The following SMURF2 variants were observed in gnomAD, a reference collection of about 807,000 sequenced individuals.
SMURF2 encodes the protein SMAD specific E3 ubiquitin protein ligase 2.
A neutral mutation model predicts 109.6 loss-of-function variants in SMURF2; 48 were observed. The observed-to-expected ratio is 0.44, with a 90% CI of 0.35 to 0.56. SMURF2 has a LOEUF of 0.56. SMURF2 is among the 20% of genes least tolerant of loss of function. SMURF2 has a pLI of 0.01. For synonymous variants in SMURF2, 288 were observed against 317.1 expected, an observed-to-expected ratio of 0.91 and a Z score of 0.97; for missense variants, 575 against 909.0, an observed-to-expected ratio of 0.63 and a Z score of 4.72.
chr17:64,625,690 G>A (rs1322282843), intron 1 of SMURF2, among the ~76,000 whole-genome samples: 6 of 152,048 alleles, frequency 3.9e-5, no homozygotes, highest in African/African-American at 9.7e-5. Context: ...AAAATACACC[G>A]CTGAGTCCTA....
chr17:64,560,480 T>G (rs1441082337), intron 12 of SMURF2, among the ~76,000 whole-genome samples: 2 of 152,140 alleles, frequency 1.3e-5, no homozygotes, highest in Non-Finnish European at 2.9e-5. Context: ...AATACACACA[T>G]GTAATGCTAA....
At chr17:64,631,536 A>T (rs1555691597) in intron 1 of SMURF2, among the ~76,000 whole-genome samples, 2 of 152,284 alleles carry the variant, frequency 1.3e-5, no homozygotes, top group East Asian at 3.9e-4. Flanking sequence ...CAGAGTCCAG[A>T]GAGGAGAATT....
At position 64,548,057 on chromosome 17, in the gene SMURF2, T is replaced by G. The variant is rs563225354; in HGVS notation, c.1870-256A>C. On this transcript the variant is annotated intron_variant, in intron 16 of 18. Coordinates refer to ENST00000262435, the MANE Select transcript of SMURF2 (RefSeq NM_022739.4). ...CCAGAGATATCTACTCACTGCAAACTCCCTCTCCAGGGTCTGAGAACCACA... is the reference window on the plus strand; with the variant it reads ...CCAGAGATATCTACTCACTGCAAACGCCCTCTCCAGGGTCTGAGAACCACA... 6.6e-5 allele frequency among the ~76,000 whole-genome samples: 10 copies of G among 152,234 alleles called. No individual in the cohort carries two copies. The South Asian group carries it at 2.1e-3, about 32-fold the overall frequency.
chr17:64,628,342 T>C (rs563908673), intron 1 of SMURF2, among the ~76,000 whole-genome samples: 298 of 152,288 alleles, frequency 2.0e-3, no homozygotes, highest in African/African-American at 6.6e-3. Context: ...GACTACTGGG[T>C]CTGCCTCAAC....
Position 64,547,724 on chromosome 17 carries a change from G to A in SMURF2, c.1947C>T (p.Asp649=). The change falls in exon 17 of 19, where the codon GAC becomes GAT. Residue 649 remains aspartate (D), a synonymous_variant. Coordinates refer to ENST00000262435, the MANE Select transcript of SMURF2 (RefSeq NM_022739.4). This position sits in a 1 kb window ranked among gnomAD's most constrained non-coding sequence, Gnocchi z 4.2. ...TCCAGAACCATTTGACAATGTTGCT[G>A]TCTGGTGTACAGTGTTTTAACCGGG... ...VNTRLKHCTP[D]SNIVKWFWKA... 6.2e-7 allele frequency: 1 copy of A among 1,614,216 alleles called. No homozygotes were observed. Among genetic ancestry groups the A allele is most frequent in the Non-Finnish European group, 8.5e-7 (1 of 1,180,028 alleles).
At chr17:64,623,919 T>C (rs1970235287) in intron 1 of SMURF2, among the ~76,000 whole-genome samples, 1 of 152,234 alleles carries the variant, frequency 6.6e-6, no homozygotes, top group Admixed American at 6.5e-5. Flanking sequence ...TAAACGTAAG[T>C]TGTCTTGTCT....
At chr17:64,647,437 C>A (rs1970573661) in intron 1 of SMURF2, among the ~76,000 whole-genome samples, 1 of 152,104 alleles carries the variant, frequency 6.6e-6, no homozygotes, top group Non-Finnish European at 1.5e-5. Context: ...TCCCAGCACT[C>A]TGGGAGGCTG....
rs868962203 is a variant in SMURF2 at position 64,542,513 on chromosome 17, A to G, written c.*3335T>C. 1.3e-5 allele frequency: 2 copies of G among 152,210 alleles called. No homozygotes were observed. The highest frequency in any genetic ancestry group is 2.4e-5 in the African/African-American group (1 of 41,454). The allele number at this position is 152,210 out of a possible 1,614,324, so 9.4% of individuals were successfully genotyped here. A position where few individuals can be genotyped will look rare whatever the true frequency, so the allele number is the denominator to read the frequency against. ...TTTGTTTTTAAAGTCAGTCTGAGAG[A>G]AGAATATTACATAAAGTGAACTAAT... On this transcript the variant is annotated 3_prime_UTR_variant, in exon 19 of 19. Transcript: ENST00000262435.
chr17:64,599,122 T>C (rs1366830559), intron 2 of SMURF2, among the ~76,000 whole-genome samples: 1 of 152,230 alleles, frequency 6.6e-6, no homozygotes, highest in Non-Finnish European at 1.5e-5. Flanking sequence ...CTTATATCAC[T>C]ATGTTAGGTA....
chr17:64,632,087 T>C (rs1271399420), intron 1 of SMURF2, among the ~76,000 whole-genome samples: 1 of 149,800 alleles, frequency 6.7e-6, no homozygotes, highest in Non-Finnish European at 1.5e-5. Flanking sequence ...GCCTCCCAAG[T>C]AGCTGGGATT....
At position 64,544,442 on chromosome 17, in the gene SMURF2, TG is replaced by T. The variant is rs1968916438; in HGVS notation, c.*1405del. 1 of 131,462 alleles carries T rather than the reference TG, an allele frequency of 7.6e-6. No individual in the cohort carries two copies. The highest frequency in any genetic ancestry group is 7.0e-5 in the Admixed American group (1 of 14,278). The allele number at this position is 131,462 out of a possible 1,614,324, so 8.1% of individuals were successfully genotyped here. A position where few individuals can be genotyped will look rare whatever the true frequency, so the allele number is the denominator to read the frequency against. ...TGAAAATTTGCTTATTTCACATCAA[TG>T]TAAAAAAAAACTGATAGTACATATT... On this transcript the variant is annotated 3_prime_UTR_variant, in exon 19 of 19. Coordinates refer to ENST00000262435, the MANE Select transcript of SMURF2 (RefSeq NM_022739.4).
At chr17:64,593,644 C>CTT in intron 3 of SMURF2, 71 bp from the exon 4 acceptor site, 1 of 1,341,140 alleles carries the variant, frequency 7.5e-7, no homozygotes, top group African/African-American at 1.5e-5. Flanking sequence ...TTCTTTTGTT[C>CTT]TTTTTATATT....
intron 10 of SMURF2, 146 bp downstream of exon 10, chr17:64,571,652 C>T: frequency 1.3e-6 from 1 of 782,760 alleles, no homozygotes; most frequent in Non-Finnish European, 2.0e-6. Flanking sequence ...CCCCTGGCCT[C>T]AAGTGATCCT....
At chr17:64,646,951 C>T (rs1479555399) in intron 1 of SMURF2, among the ~76,000 whole-genome samples, 1 of 152,086 alleles carries the variant, frequency 6.6e-6, no homozygotes, top group Non-Finnish European at 1.5e-5. Context: ...CTAGAAAGCC[C>T]CCTTAGAAAT....
At chr17:64,611,435 A>C (rs1458607817) in intron 1 of SMURF2, among the ~76,000 whole-genome samples, 1 of 152,032 alleles carries the variant, frequency 6.6e-6, no homozygotes, top group African/African-American at 2.4e-5. Context: ...CGTTCCCCCC[A>C]AAAATCACGT....
At chr17:64,623,450 A>T (rs935819615) in intron 1 of SMURF2, among the ~76,000 whole-genome samples, 1 of 152,198 alleles carries the variant, frequency 6.6e-6, no homozygotes, top group Admixed American at 6.5e-5. Context: ...GAATCTGCCT[A>T]GATTTCTCAT....
At position 64,545,662 on chromosome 17, in the gene SMURF2, T is replaced by C. The variant is rs1175786160; in HGVS notation, c.*186A>G. 2.2e-6 allele frequency: 1 copy of C among 454,278 alleles called. No homozygotes were observed. Among genetic ancestry groups the C allele is most frequent in the Non-Finnish European group, 3.9e-6 (1 of 255,508 alleles). 28.1% of individuals were successfully genotyped at this position (454,278 alleles called of 1,614,324 possible). A position where few individuals can be genotyped will look rare whatever the true frequency, so the allele number is the denominator to read the frequency against. ...ATGGCAAAGCATAAAGACCTTTTTT[T>C]TCCTTGAAAAGGAATTTCAAAATTG... On this transcript the variant is annotated 3_prime_UTR_variant, in exon 19 of 19. Coordinates refer to ENST00000262435, the MANE Select transcript of SMURF2 (RefSeq NM_022739.4).
intron 12 of SMURF2, 73 bp from the exon 13 acceptor site, chr17:64,557,795 A>G: frequency 1.3e-6 from 1 of 746,148 alleles, no homozygotes; most frequent in Non-Finnish European, 2.2e-6. Flanking sequence ...TCATTAACTA[A>G]TCATTTTAGC....
At chr17:64,595,935 T>G (rs1555688048) in intron 3 of SMURF2, among the ~76,000 whole-genome samples, 1 of 152,072 alleles carries the variant, frequency 6.6e-6, no homozygotes, top group Non-Finnish European at 1.5e-5. Flanking sequence ...TCAGCAATAC[T>G]CTAAACCTAC....
Sources: allele counts gnomAD v4.1 joint callset (sites outside exome capture counted in the v4.1 genomes callset), GRCh38; gene constraint gnomAD v4.1.1; non-coding constraint Gnocchi (gnomAD v3.1); transcripts MANE v1.5; gene names NCBI Gene and HGNC (gene_info 2026-07-23, HGNC 2026-07-21).